Variants in PTPRD observed in about 807,000 individuals in gnomAD.
The protein encoded by PTPRD is protein tyrosine phosphatase receptor type D, also known as receptor-type tyrosine-protein phosphatase delta.
In PTPRD, 34 loss-of-function variants were observed where a neutral mutation model predicts 214.5. That is an observed-to-expected ratio of 0.16 (90% CI 0.12 to 0.21). PTPRD has a LOEUF of 0.21. PTPRD is among the 10% of genes least tolerant of loss of function. The probability of loss-of-function intolerance (pLI) is 1.00; values close to 1 mark genes in which losing one functional copy is unlikely to be tolerated. For missense variants in PTPRD, 2,545 were observed against 2,398.7 expected, an observed-to-expected ratio of 1.06 and a Z score of -1.27; for synonymous variants, 1,128 against 845.7, an observed-to-expected ratio of 1.33 and a Z score of -5.79.
chr9:8,848,313 C>CTCTTTTTTTTT (rs1338928285), intron 11 of PTPRD, among the ~76,000 whole-genome samples: 5 of 132,666 alleles, frequency 3.8e-5, no homozygotes, highest in African/African-American at 1.4e-4. Context: ...AAGATTTTTC[C>CTCTTTTTTTTT]TTTTTTTTTT....
At chr9:9,867,654 T>A (rs184526885) in intron 5 of PTPRD, among the ~76,000 whole-genome samples, 109 of 152,284 alleles carry the variant, frequency 7.2e-4, no homozygotes, top group African/African-American at 2.5e-3. Context: ...AAGAAAGATA[T>A]AATCTCCCCA....
chr9:8,709,669 C>T (rs1197800120), intron 12 of PTPRD, among the ~76,000 whole-genome samples: 1 of 151,776 alleles, frequency 6.6e-6, no homozygotes, highest in Non-Finnish European at 1.5e-5. Flanking sequence ...TTAAAATATC[C>T]AGTTATATTC....
chr9:9,313,387 A>T (rs780846960), intron 9 of PTPRD, among the ~76,000 whole-genome samples: 3 of 152,168 alleles, frequency 2.0e-5, no homozygotes, highest in Non-Finnish European at 4.4e-5. Flanking sequence ...AAAAACAGAT[A>T]ATTATCTATT....
intron 14 of PTPRD, among the ~76,000 whole-genome samples, chr9:8,530,179 C>T (rs1037006601): frequency 6.6e-6 from 1 of 151,996 alleles, no homozygotes; most frequent in Admixed American, 6.6e-5. Flanking sequence ...ATGCCTCCAC[C>T]GTGTTGCCAG....
intron 3 of PTPRD, among the ~76,000 whole-genome samples, chr9:10,049,407 A>AAAAAG (rs1555515116): frequency 4.3e-5 from 5 of 115,736 alleles, no homozygotes; most frequent in African/African-American, 1.5e-4. Flanking sequence ...TTAAAAAAAA[A>AAAAAG]AAAGAAAGAA....
intron 2 of PTPRD, among the ~76,000 whole-genome samples, chr9:10,526,830 C>T (rs1354060224): frequency 1.1e-4 from 17 of 152,162 alleles, no homozygotes; most frequent in Non-Finnish European, 2.1e-4. Flanking sequence ...AATTGCCAAG[C>T]AAACCTCAGA....
At chr9:8,934,520 AAT>A (rs60438547) in intron 11 of PTPRD, among the ~76,000 whole-genome samples, 8 of 17,054 alleles carry the variant, frequency 4.7e-4, no homozygotes, top group African/African-American at 1.7e-3. Flanking sequence ...TATATATATA[AAT>A]ATATATATAT....
At chr9:8,495,994 A>T (rs533362675) in intron 26 of PTPRD, among the ~76,000 whole-genome samples, 1 of 152,106 alleles carries the variant, frequency 6.6e-6, no homozygotes, top group East Asian at 1.9e-4. Context: ...TCCCAGTATT[A>T]TATTATAGTT....
chr9:9,347,108 C>G (rs376111093), intron 9 of PTPRD, among the ~76,000 whole-genome samples: 1 of 152,100 alleles, frequency 6.6e-6, no homozygotes, highest in Non-Finnish European at 1.5e-5. Flanking sequence ...TTGAGGCTGC[C>G]GTAAGCTGTG....
chr9:9,382,459 G>C (rs903002171), intron 9 of PTPRD, among the ~76,000 whole-genome samples: 1 of 152,006 alleles, frequency 6.6e-6, no homozygotes, highest in Non-Finnish European at 1.5e-5. Context: ...AAATATGTAA[G>C]AATCTCCTAC....
intron 35 of PTPRD, among the ~76,000 whole-genome samples, chr9:8,425,223 C>T (rs1160228454): frequency 6.6e-6 from 1 of 152,162 alleles, no homozygotes; most frequent in African/African-American, 2.4e-5. Context: ...CTTCTTGCAG[C>T]ATTGTTAAAA....
intron 10 of PTPRD, among the ~76,000 whole-genome samples, chr9:9,101,811 T>A (rs938771609): frequency 3.3e-5 from 5 of 152,222 alleles, no homozygotes; most frequent in African/African-American, 1.2e-4. Context: ...GGGAGAAAAT[T>A]ATTCCTTAAT....
At chr9:8,763,032 G>A (rs566692469) in intron 11 of PTPRD, among the ~76,000 whole-genome samples, 1 of 152,178 alleles carries the variant, frequency 6.6e-6, no homozygotes, top group African/African-American at 2.4e-5. Flanking sequence ...CATTCAGGTA[G>A]GCTCAGGATC....
At chr9:10,298,142 T>G (rs1485517362) in intron 3 of PTPRD, among the ~76,000 whole-genome samples, 1 of 152,138 alleles carries the variant, frequency 6.6e-6, no homozygotes. Flanking sequence ...TATCATGAAT[T>G]TTCTTTTTCA....
At chr9:8,935,836 AGAGT>A (rs2098993188) in intron 11 of PTPRD, among the ~76,000 whole-genome samples, 1 of 152,210 alleles carries the variant, frequency 6.6e-6, no homozygotes, top group Non-Finnish European at 1.5e-5. Context: ...TTTCCATCCA[AGAGT>A]GAGTATACAG....
At chr9:8,924,047 A>T (rs941569643) in intron 11 of PTPRD, among the ~76,000 whole-genome samples, 3 of 152,224 alleles carry the variant, frequency 2.0e-5, no homozygotes, top group African/African-American at 7.2e-5. Flanking sequence ...TTCTAAATTT[A>T]GAATGAAGAA....
At chr9:8,572,958 A>C (rs2091542344) in intron 14 of PTPRD, among the ~76,000 whole-genome samples, 1 of 152,022 alleles carries the variant, frequency 6.6e-6, no homozygotes. Flanking sequence ...TTGTTGATAT[A>C]TTTTAACTTC....
intron 36 of PTPRD, among the ~76,000 whole-genome samples, chr9:8,399,318 G>C (rs2091948609): frequency 6.6e-6 from 1 of 152,054 alleles, no homozygotes. Context: ...CAAAGAGATT[G>C]TATATGCATG....
chr9:8,321,479 GTGTGTGTGTATATATATATA>G (rs1225251710), intron 44 of PTPRD, among the ~76,000 whole-genome samples: 2 of 58,128 alleles, frequency 3.4e-5, no homozygotes, highest in African/African-American at 1.4e-4. Flanking sequence ...GTGTGTGTGT[GTGTGTGTGTATATATATATA>G]TATATATATA....
Sources: allele counts gnomAD v4.1 joint callset (sites outside exome capture counted in the v4.1 genomes callset), GRCh38; gene constraint gnomAD v4.1.1; transcripts MANE v1.5; gene names NCBI Gene and HGNC (gene_info 2026-07-23, HGNC 2026-07-21).